The following UBE2R2 variants were observed in gnomAD, a reference collection of about 807,000 sequenced individuals.
UBE2R2 encodes the protein ubiquitin conjugating enzyme E2 R2.
Under a neutral mutation model 27.8 loss-of-function variants are expected in UBE2R2, and 1 was observed. The observed-to-expected ratio is 0.04, with a 90% CI of 0.01 to 0.17. The LOEUF (loss-of-function observed/expected upper bound fraction) is 0.17. Among genes scored for constraint, UBE2R2 ranks in the 10% least tolerant of loss-of-function variants. The pLI is 1.00. For missense variants in UBE2R2, 100 were observed against 291.0 expected, an observed-to-expected ratio of 0.34 and a Z score of 4.78; for synonymous variants, 106 against 113.3, an observed-to-expected ratio of 0.94 and a Z score of 0.41.
intron 3 of UBE2R2, among the ~76,000 whole-genome samples, chr9:33,901,361 A>C (rs1248221430): frequency 6.6e-6 from 1 of 152,098 alleles, no homozygotes; most frequent in Non-Finnish European, 1.5e-5. Context: ...ACCTTTCATC[A>C]CCTGCCTGAA....
chr9:33,844,870 G>A (rs988160790), intron 1 of UBE2R2, among the ~76,000 whole-genome samples: 2 of 150,688 alleles, frequency 1.3e-5, no homozygotes, highest in Non-Finnish European at 3.0e-5. Context: ...GGGTTCAAGC[G>A]ATTCTCTTGC....
At chr9:33,850,658 A>G (rs1403931326) in intron 1 of UBE2R2, among the ~76,000 whole-genome samples, 2 of 150,452 alleles carry the variant, frequency 1.3e-5, no homozygotes, top group Non-Finnish European at 2.9e-5. Context: ...TTGCCTTCAT[A>G]TTACTGATTT....
intron 3 of UBE2R2, among the ~76,000 whole-genome samples, chr9:33,910,747 A>AGT (rs1564006934): frequency 1.3e-5 from 2 of 152,190 alleles, no homozygotes; most frequent in African/African-American, 4.8e-5. Flanking sequence ...CTTCCTTCCA[A>AGT]GTATGGAAAA....
intron 1 of UBE2R2, among the ~76,000 whole-genome samples, chr9:33,829,673 A>G (rs1255226535): frequency 6.6e-6 from 1 of 152,028 alleles, no homozygotes; most frequent in Admixed American, 6.6e-5. Context: ...TTTTCCAAGT[A>G]TATTTAAGCA....
intron 4 of UBE2R2, among the ~76,000 whole-genome samples, chr9:33,915,619 TA>T (rs1444037904): frequency 6.6e-6 from 1 of 152,204 alleles, no homozygotes; most frequent in Non-Finnish European, 1.5e-5. Context: ...CTCAAATTTT[TA>T]TAATTGTTGA....
intron 2 of UBE2R2, among the ~76,000 whole-genome samples, chr9:33,893,665 C>T (rs1822035819): frequency 6.6e-6 from 1 of 152,128 alleles, no homozygotes; most frequent in Admixed American, 6.5e-5. Flanking sequence ...GACAGAGTCT[C>T]ACTCTGTTGC....
Position 33,835,337 on chromosome 9 carries a change from A to G in UBE2R2, c.177+17403A>G, listed in dbSNP as rs1403811851. Reference sequence around the variant, plus strand: ...AATTTTTGTATTTTTAGTAGATACAAGGTTTCATCATATTGGTCAGGCTGG... The same window carrying G: ...AATTTTTGTATTTTTAGTAGATACAGGGTTTCATCATATTGGTCAGGCTGG... On this transcript the variant is annotated intron_variant, in intron 1 of 4. Coordinates refer to ENST00000263228, the MANE Select transcript of UBE2R2 (RefSeq NM_017811.4). Among the ~76,000 whole-genome samples the G allele has an allele frequency of 2.0e-5, 3 of 151,808 alleles. No individual in the cohort carries two copies. The South Asian group carries it at 6.2e-4, about 32-fold the overall frequency.
chr9:33,891,648 A>C (rs1026613113), intron 2 of UBE2R2, among the ~76,000 whole-genome samples: 1 of 152,118 alleles, frequency 6.6e-6, no homozygotes, highest in South Asian at 2.1e-4. Flanking sequence ...CTCCTGTCTC[A>C]AAAAATAAAT....
chr9:33,876,832 C>T (rs949600893), intron 1 of UBE2R2, among the ~76,000 whole-genome samples: 3 of 152,094 alleles, frequency 2.0e-5, no homozygotes, highest in African/African-American at 7.2e-5. Context: ...AGGAGAATGG[C>T]ATGAACTCGG....
intron 1 of UBE2R2, among the ~76,000 whole-genome samples, chr9:33,849,690 T>TA (rs71506141): frequency 3.2e-4 from 45 of 139,440 alleles, no homozygotes; most frequent in African/African-American, 6.5e-4. Flanking sequence ...CATCTCTACT[T>TA]AAAAAAAAAA....
intron 3 of UBE2R2, among the ~76,000 whole-genome samples, chr9:33,905,337 G>A (rs1360196098): frequency 2.6e-5 from 4 of 152,172 alleles, no homozygotes; most frequent in African/African-American, 9.7e-5. Flanking sequence ...AGCATTGGGT[G>A]CCAAAGTAAG....
At chr9:33,832,315 A>G (rs1435792860) in intron 1 of UBE2R2, among the ~76,000 whole-genome samples, 10 of 144,926 alleles carry the variant, frequency 6.9e-5, no homozygotes, top group African/African-American at 1.3e-4. Context: ...TCTCAAAAAA[A>G]AAAAGAAAAG....
At chr9:33,834,865 G>A (rs1033950308) in intron 1 of UBE2R2, among the ~76,000 whole-genome samples, 15 of 151,290 alleles carry the variant, frequency 9.9e-5, no homozygotes, top group African/African-American at 3.4e-4. Context: ...AGCCGAGATC[G>A]TGCCGTTGCA....
chr9:33,889,959 C>T (rs912723813), intron 2 of UBE2R2, among the ~76,000 whole-genome samples: 2 of 152,130 alleles, frequency 1.3e-5, no homozygotes, highest in Non-Finnish European at 2.9e-5. Context: ...GGGTTACAGG[C>T]GTGAGCCACC....
chr9:33,840,706 AAT>A (rs1239710024), intron 1 of UBE2R2, among the ~76,000 whole-genome samples: 6 of 152,040 alleles, frequency 3.9e-5, no homozygotes, highest in Admixed American at 3.3e-4. Context: ...ATGGTTTAAA[AAT>A]AGTGACATTC....
intron 1 of UBE2R2, among the ~76,000 whole-genome samples, chr9:33,841,923 A>G (rs1398183247): frequency 1.3e-5 from 2 of 152,128 alleles, no homozygotes; most frequent in East Asian, 1.9e-4. Flanking sequence ...TCACCCCCCG[A>G]CATCATCATA....
At chr9:33,900,638 G>T (rs572340629) in intron 3 of UBE2R2, among the ~76,000 whole-genome samples, 1 of 152,112 alleles carries the variant, frequency 6.6e-6, no homozygotes, top group South Asian at 2.1e-4. Flanking sequence ...AAGTCCATAC[G>T]CTTTCACATT....
At chr9:33,852,061 C>T (rs113199155) in intron 1 of UBE2R2, among the ~76,000 whole-genome samples, 2,795 of 151,880 alleles carry the variant, frequency 0.018, 88 homozygotes, top group African/African-American at 0.063. Context: ...CCTGTAATCC[C>T]AGCACTTTGG....
At chr9:33,860,062 C>A (rs542235903) in intron 1 of UBE2R2, among the ~76,000 whole-genome samples, 1 of 151,918 alleles carries the variant, frequency 6.6e-6, no homozygotes, top group East Asian at 1.9e-4. Flanking sequence ...CTGCCTTGGC[C>A]TCCCAATGTG....
Sources: gnomAD v4.1 joint callset for allele counts (sites outside exome capture counted in the v4.1 genomes callset) on GRCh38, gnomAD v4.1.1 for gene constraint, MANE v1.5 for transcripts, NCBI Gene and HGNC (gene_info 2026-07-23, HGNC 2026-07-21) for gene names.